KRI1: variants seen among roughly 807,000 people sequenced by gnomAD.
KRI1 encodes the protein protein KRI1 homolog.
In KRI1, 83 loss-of-function variants were observed where a neutral mutation model predicts 97.0. That is an observed-to-expected ratio of 0.86 (90% CI 0.72 to 1.03). The LOEUF is 1.03. Ranked by LOEUF, KRI1 falls within the 50% of genes least tolerant of loss-of-function variation. The pLI is 0.00. For synonymous variants in KRI1, 371 were observed against 363.5 expected (o/e 1.02, Z -0.23); for missense variants, 916 against 928.4 (o/e 0.99, Z 0.17).
chr19:10,563,049 A>C (rs182343247), intron 3 of KRI1, among the ~76,000 whole-genome samples: 1 of 151,764 alleles, frequency 6.6e-6, no homozygotes, highest in East Asian at 1.9e-4. Flanking sequence ...TATTGTTGTT[A>C]TTATTTATTT....
Position 10,562,804 on chromosome 19 carries a change from G to A in KRI1, c.308C>T (p.Ala103Val). ...CCGCACTTTCTTCTGCTTCTCCAAG[G>A]CTTCTGGGTCCTCCTCACTGTCTGA... ...SSSDSEEDPE[A>V]LEKQKKVRPM... is the part of the protein sequence containing the mutation. Residue 103 changes from alanine (A) to valine (V), a missense_variant, in exon 4 of 19, where the codon GCC becomes GTC. Ala to Val is a moderately conservative substitution (Grantham distance 64, BLOSUM62 0). Around this residue, in one of 3 missense-constraint regions of KRI1, gnomAD observed 173 missense variants for 153.1 expected, o/e 1.13. Coordinates refer to ENST00000312962, the MANE Select transcript of KRI1 (RefSeq NM_023008.5). 1 of 1,612,854 alleles carries A rather than the reference G, an allele frequency of 6.2e-7. No individual in the cohort carries two copies. The highest frequency in any genetic ancestry group is 8.5e-7 in the Non-Finnish European group (1 of 1,178,932).
In KRI1 at chr19:10,561,568, G is replaced by A. The variant is rs1352503610; in HGVS notation, c.488+99C>T. 5 of 1,156,204 alleles carry A rather than the reference G, an allele frequency of 4.3e-6. No individual in the cohort carries two copies. In the East Asian group the frequency reaches 1.2e-4, roughly 27 times the overall value. 71.6% of individuals were successfully genotyped at this position (1,156,204 alleles called of 1,614,324 possible). A position where few individuals can be genotyped will look rare whatever the true frequency, so the allele number is the denominator to read the frequency against. On this transcript the variant is annotated intron_variant, in intron 6 of 18. Coordinates refer to ENST00000312962, the MANE Select transcript of KRI1 (RefSeq NM_023008.5). Reference sequence around the variant, plus strand: ...CCGTTTAACTGATGAGGAAACTGAAGCACATAGAAAGTGACAGAGCTCAAT... The same window carrying A: ...CCGTTTAACTGATGAGGAAACTGAAACACATAGAAAGTGACAGAGCTCAAT...
chr19:10,562,703 G>A, intron 4 of KRI1, 26 bp downstream of exon 4: 1 of 1,304,540 alleles, frequency 7.7e-7, no homozygotes, highest in African/African-American at 1.5e-5. Flanking sequence ...GGAACCAGGG[G>A]GTGGGGATGT....
In KRI1 at chr19:10,559,491, C is replaced by A. The variant is rs1442825815; in HGVS notation, c.1062G>T (p.Lys354Asn). ...CCAGAATCTCCTTCCTCTTCAGGTT[C>A]TTCAGCTGCTTGAGCTCTTCCTGCT... is the stretch of plus-strand genomic sequence containing the variant. ...AKKQEELKQLKNLKRKEILAK... is the reference protein window; with the variant it reads ...AKKQEELKQLNNLKRKEILAK... The change falls in exon 12 of 19, where the codon AAG becomes AAT. Residue 354 changes from lysine to asparagine, a missense_variant. This residue lies in a region of KRI1 where 672 missense variants were observed against 667.2 expected (regional missense o/e 1.01). Transcript: ENST00000312962. 1 of 1,614,062 alleles carries A rather than the reference C, an allele frequency of 6.2e-7. No individual in the cohort carries two copies. Among genetic ancestry groups the A allele is most frequent in the Admixed American group, 1.7e-5 (1 of 59,986 alleles).
intron 2 of KRI1, 95 bp from the exon 3 acceptor site, chr19:10,565,129 G>C (rs538697252): frequency 4.9e-6 from 4 of 818,464 alleles, no homozygotes; most frequent in Middle Eastern, 2.9e-4. Flanking sequence ...TTAGGATGGA[G>C]GGGGGTGGAT....
chr19:10,559,735 G>A (rs376136673), intron 10 of KRI1, 27 bp from the exon 11 acceptor site: 15 of 1,613,968 alleles, frequency 9.3e-6, no homozygotes, highest in African/African-American at 1.3e-5. Context: ...AAGCCCACAA[G>A]GGCCGCAGAG....
rs866649472 is a variant in KRI1 at position 10,555,166 on chromosome 19, G to A, written c.1702C>T (p.Arg568Trp). The change falls in exon 18 of 19, where the codon CGG (arginine) becomes TGG (tryptophan). Residue 568 changes from arginine (R) to tryptophan (W), a missense_variant. By Grantham distance (101) the Arg-to-Trp change is moderately radical (BLOSUM62 -3). Around this residue, in one of 3 missense-constraint regions of KRI1, gnomAD observed 672 missense variants for 667.2 expected, o/e 1.01. Transcript: ENST00000312962. Reference protein sequence around the residue: ...CMYRSEQEELRDKRAYSQKAQ... With the variant: ...CMYRSEQEELWDKRAYSQKAQ... ...TTCTGGCTGTACGCCCGCTTGTCCC[G>A]CAGCTCCTCCTGCTCTGACCTGCAG... 3.3e-5 allele frequency: 54 copies of A among 1,612,186 alleles called. No homozygotes were observed. The highest frequency in any genetic ancestry group is 1.1e-4 in the African/African-American group (8 of 74,524).
chr19:10,554,426 C>G (rs539475721), intron 18 of KRI1, 145 bp from the exon 19 acceptor site: 33 of 702,610 alleles, frequency 4.7e-5, no homozygotes, highest in African/African-American at 4.5e-4. Flanking sequence ...GGATTCAGAC[C>G]TGGGTTTCAG....
chr19:10,553,707 C>G lies in KRI1; in HGVS notation c.*244G>C. 2.1e-6 allele frequency: 1 copy of G among 468,676 alleles called. No homozygotes were observed. The highest frequency in any genetic ancestry group is 3.8e-6 in the Non-Finnish European group (1 of 265,194). 29.0% of individuals were successfully genotyped at this position (468,676 alleles called of 1,614,324 possible). ...CTTCCTTCCCCAGCCTCCTGAGTAG[C>G]TGGGACTACAGGCATGTGTCACCAC... is the stretch of plus-strand genomic sequence containing the variant. On this transcript the variant is annotated 3_prime_UTR_variant, in exon 19 of 19. Coordinates refer to ENST00000312962, the MANE Select transcript of KRI1 (RefSeq NM_023008.5).
chr19:10,560,418 C>A lies in KRI1; in HGVS notation c.694G>T (p.Glu232Ter). 3.7e-6 allele frequency: 6 copies of A among 1,613,778 alleles called. No homozygotes were observed. Among genetic ancestry groups the A allele is most frequent in the Non-Finnish European group, 5.1e-6 (6 of 1,179,788 alleles). ...AGGAACCGCTCCCCTTCATCCAACT[C>A]AGGGTCGTTCCAGTATTCCTTGAGA... is the stretch of plus-strand genomic sequence containing the variant. Reference protein sequence around the residue: ...THLKEYWNDPELDEGERFLRD... With the variant: ...THLKEYWNDP The change falls in exon 9 of 19, where the codon GAG becomes TAG. Residue 232 changes from glutamate (E) to a stop codon, truncating the protein, a stop_gained. Transcript: ENST00000312962. LOFTEE classifies it high-confidence loss of function.
Position 10,565,818 on chromosome 19 carries a change from C to CCA in KRI1, c.95-29_95-28insTG, listed in dbSNP as rs1555750218. 30 of 1,550,082 alleles carry CCA rather than the reference C, an allele frequency of 1.9e-5. No individual in the cohort carries two copies. The East Asian group carries it at 3.2e-4, about 16-fold the overall frequency. On this transcript the variant is annotated intron_variant, in intron 1 of 18. Coordinates refer to ENST00000312962, the MANE Select transcript of KRI1 (RefSeq NM_023008.5). ...GCGGGACACAGACGGGATGCCCCCC[C>CCA]CCAGGTCAGCCGGCGGGGCCACTCG...
At chr19:10,558,356 T>C (rs892084) in intron 12 of KRI1, 117 bp from the exon 13 acceptor site, 613,505 of 897,218 alleles carry the variant, frequency 0.68, 214,466 homozygotes, top group East Asian at 0.97. Context: ...TAGGGCTCCC[T>C]ACAGCCCTCC....
chr19:10,555,760 G>A (rs1371284302), intron 16 of KRI1, among the ~76,000 whole-genome samples: 2 of 152,200 alleles, frequency 1.3e-5, no homozygotes, highest in East Asian at 3.8e-4. Context: ...AAGGCCATCA[G>A]AAAGAGGAAG....
intron 16 of KRI1, among the ~76,000 whole-genome samples, chr19:10,557,074 T>C (rs62128800): frequency 0.4 from 60,095 of 151,386 alleles, 12,784 homozygotes; most frequent in Non-Finnish European, 0.48. Context: ...ACCTTTGAGG[T>C]GAGGTAATGT....
In KRI1 at chr19:10,561,833, A is replaced by C; in HGVS notation, c.396T>G (p.Asp132Glu). The stretch of plus-strand genomic sequence containing the variant: ...AAGTCTCCCCGTCTGAGTTCTCCTC[A>C]TCAACATATTTGCTGTAAAGGAAAA... ...VILEKAGKYV[D>E]EENSDGETSN... The change falls in exon 5 of 19, where the codon GAT becomes GAG. Residue 132 changes from aspartate to glutamate, a missense_variant. Physicochemically the swap from Asp to Glu is conservative, Grantham distance 45. This residue lies in a region of KRI1 where 71 missense variants were observed against 108.1 expected (regional missense o/e 0.66). Coordinates refer to ENST00000312962, the MANE Select transcript of KRI1 (RefSeq NM_023008.5). 1.9e-6 allele frequency: 3 copies of C among 1,613,706 alleles called. No homozygotes were observed. Among genetic ancestry groups the C allele is most frequent in the East Asian group, 4.5e-5 (2 of 44,864 alleles).
chr19:10,561,144 A>G, intron 7 of KRI1, 25 bp downstream of exon 7: 1 of 1,612,712 alleles, frequency 6.2e-7, no homozygotes, highest in East Asian at 2.2e-5. Flanking sequence ...GTCCCCCAGC[A>G]GTCCAGTCAG....
At position 10,554,225 on chromosome 19, in the gene KRI1, T is replaced by C. The variant is rs562755707; in HGVS notation, c.1838A>G (p.Gln613Arg). 3.7e-6 allele frequency: 6 copies of C among 1,614,032 alleles called. No homozygotes were observed. The South Asian group carries it at 5.5e-5, about 15-fold the overall frequency. The change falls in exon 19 of 19, where the codon CAG becomes CGG. Residue 613 changes from glutamine to arginine, a missense_variant. By Grantham distance (43) the Gln-to-Arg change is conservative. Around this residue, in one of 3 missense-constraint regions of KRI1, gnomAD observed 672 missense variants for 667.2 expected, o/e 1.01. Coordinates refer to ENST00000312962, the MANE Select transcript of KRI1 (RefSeq NM_023008.5). ...GKPQRDEAGP[Q>R]RQLPALDGSL... ...GCCATCAAGGGCTGGCAGCTGCCTC[T>C]GTGGGCCGGCTTCATCTCTCTGTGG... is the stretch of plus-strand genomic sequence containing the variant.
At position 10,558,024 on chromosome 19, in the gene KRI1, T is replaced by C. The variant is rs761668013; in HGVS notation, c.1307A>G (p.Gln436Arg). The change falls in exon 14 of 19, where the codon CAG becomes CGG. Residue 436 changes from glutamine to arginine, a missense_variant. Coordinates refer to ENST00000312962, the MANE Select transcript of KRI1 (RefSeq NM_023008.5). ...WNWDTWDGPE[Q>R]EGDWSQQELH... ...CTCCTGCTGGCTCCAGTCTCCCTCC[T>C]GCTCAGGCCCGTCCCACGTGTCCCA... The C allele has an allele frequency of 1.2e-6, 2 of 1,614,086 alleles. No individual in the cohort carries two copies. Among genetic ancestry groups the C allele is most frequent in the Non-Finnish European group, 1.7e-6 (2 of 1,180,006 alleles).
rs1427426610 is a variant in KRI1 at position 10,561,719 on chromosome 19, G to A, written c.439-3C>T. ...ACATAACTTTGCGACGATGTCTCCT[G>A]CAGAGAGGGCCATAGGTCTCAGGCC... On this transcript the variant is annotated splice_region_variant and splice_polypyrimidine_tract_variant and intron_variant, in intron 5 of 18. Transcript: ENST00000312962. The A allele has an allele frequency of 4.3e-6, 7 of 1,613,874 alleles. No individual in the cohort carries two copies. The highest frequency in any genetic ancestry group is 5.1e-6 in the Non-Finnish European group (6 of 1,180,014).
Sources: gnomAD v4.1 joint callset for allele counts (sites outside exome capture counted in the v4.1 genomes callset) on GRCh38, gnomAD v4.1.1 for gene constraint, gnomAD v4.1.1 regional missense constraint, MANE v1.5 for transcripts, NCBI Gene and HGNC (gene_info 2026-07-23, HGNC 2026-07-21) for gene names.